The following HSD17B12 variants were observed in gnomAD, a reference collection of about 807,000 sequenced individuals.
The protein encoded by HSD17B12 is hydroxysteroid 17-beta dehydrogenase 12.
Under a neutral mutation model 39.3 loss-of-function variants are expected in HSD17B12, and 32 were observed. That is an observed-to-expected ratio of 0.81 (90% CI 0.61 to 1.09). The LOEUF (loss-of-function observed/expected upper bound fraction) is 1.09. HSD17B12 is among the 50% of genes least tolerant of loss of function. The probability of loss-of-function intolerance (pLI) is 0.00; values close to 1 mark genes in which losing one functional copy is unlikely to be tolerated. For missense variants in HSD17B12, 342 were observed against 382.9 expected, an observed-to-expected ratio of 0.89 and a Z score of 0.89; for synonymous variants, 150 against 146.7, an observed-to-expected ratio of 1.02 and a Z score of -0.16.
intron 9 of HSD17B12, chr11:43,852,278 G>A (rs1951539295): frequency 6.6e-6 from 1 of 152,110 alleles, no homozygotes; most frequent in Non-Finnish European, 1.5e-5. Flanking sequence ...TCTCCTACAA[G>A]ATCAAAGTAG....
the HSD17B12 span, among the ~76,000 whole-genome samples, chr11:43,590,197 C>T: frequency 6.6e-6 from 1 of 152,090 alleles, no homozygotes; most frequent in East Asian, 1.9e-4. Context: ...GTGTCCCAAT[C>T]TTACCAAGAT....
rs1416195113 is a variant in HSD17B12, at chr11:43,725,303, T to C, written c.161-25608T>C. 2.6e-5 allele frequency among the ~76,000 whole-genome samples: 4 copies of C among 152,298 alleles called. No homozygotes were observed. The South Asian group carries it at 8.3e-4, about 32-fold the overall frequency. On this transcript the variant is annotated intron_variant, in intron 1 of 10. Transcript: ENST00000278353. ...GTACTTCAGAAATTATTGCAAAGGT[T>C]AAAAAAGATGATGCTTGTTTAGCAA...
chr11:43,594,934 G>A, the HSD17B12 span, among the ~76,000 whole-genome samples: 1 of 151,960 alleles, frequency 6.6e-6, no homozygotes, highest in African/African-American at 2.4e-5. Context: ...TATAATCCCT[G>A]TGTAGTCAGA....
chr11:43,653,678 GC>G, the HSD17B12 span, among the ~76,000 whole-genome samples: 2 of 152,042 alleles, frequency 1.3e-5, no homozygotes, highest in Non-Finnish European at 2.9e-5. Flanking sequence ...GCAATAGTTT[GC>G]TGAGAATGAT....
the HSD17B12 span, among the ~76,000 whole-genome samples, chr11:43,618,285 T>C: frequency 1.3e-5 from 2 of 152,234 alleles, no homozygotes; most frequent in African/African-American, 4.8e-5. Context: ...TCATGAAAGA[T>C]ACGTGTCTTC....
intron 1 of HSD17B12, among the ~76,000 whole-genome samples, chr11:43,741,560 A>G (rs1261776555): frequency 1.3e-5 from 2 of 152,126 alleles, no homozygotes; most frequent in East Asian, 3.9e-4. Context: ...AGAAGCAACT[A>G]TCAATAGACT....
chr11:43,765,633 A>G (rs945504699), intron 3 of HSD17B12, among the ~76,000 whole-genome samples: 27 of 152,002 alleles, frequency 1.8e-4, no homozygotes, highest in African/African-American at 6.5e-4. Context: ...GTCTTAACCC[A>G]CTGATGCTGT....
chr11:43,726,949 T>C (rs1269703752), intron 1 of HSD17B12, among the ~76,000 whole-genome samples: 1 of 152,210 alleles, frequency 6.6e-6, no homozygotes. Context: ...TTTTTAAGGC[T>C]TCCATTAATT....
the HSD17B12 span, among the ~76,000 whole-genome samples, chr11:43,653,443 C>G: frequency 6.6e-6 from 1 of 151,994 alleles, no homozygotes; most frequent in Non-Finnish European, 1.5e-5. Context: ...GGTACATGTG[C>G]ACAACTTGCA....
chr11:43,719,142 T>C, intron 1 of HSD17B12: 1 of 758,590 alleles, frequency 1.3e-6, no homozygotes, highest in Non-Finnish European at 2.4e-6. Context: ...ATTGGGATCA[T>C]CTAAACTTAG....
chr11:43,616,425 C>CAAAAAA, the HSD17B12 span, among the ~76,000 whole-genome samples: 1 of 62,432 alleles, frequency 1.6e-5, no homozygotes, highest in African/African-American at 5.2e-5. Context: ...AAACAAAAAA[C>CAAAAAA]AAAAAAAAAA....
At chr11:43,643,269 T>C in the HSD17B12 span, among the ~76,000 whole-genome samples, 10 of 152,148 alleles carry the variant, frequency 6.6e-5, no homozygotes, top group Admixed American at 5.9e-4. Flanking sequence ...TGAACTTACA[T>C]TGATGATACA....
At chr11:43,634,479 A>C in the HSD17B12 span, among the ~76,000 whole-genome samples, 1 of 152,338 alleles carries the variant, frequency 6.6e-6, no homozygotes, top group East Asian at 1.9e-4. Context: ...ATTTGACTCT[A>C]TAGAAAATTA....
intron 4 of HSD17B12, among the ~76,000 whole-genome samples, chr11:43,798,959 A>G (rs1457145253): frequency 6.6e-6 from 1 of 152,072 alleles, no homozygotes; most frequent in African/African-American, 2.4e-5. Context: ...TCTCCCCAGT[A>G]TTTTTGACCC....
chr11:43,668,885 GTC>G, the HSD17B12 span, among the ~76,000 whole-genome samples: 1 of 151,864 alleles, frequency 6.6e-6, no homozygotes, highest in East Asian at 1.9e-4. Flanking sequence ...TAGAGATGGA[GTC>G]TAGCTATGTT....
the HSD17B12 span, among the ~76,000 whole-genome samples, chr11:43,613,089 T>C: frequency 3.9e-5 from 6 of 152,170 alleles, no homozygotes; most frequent in African/African-American, 1.4e-4. Context: ...GAGAAAGCCA[T>C]TGGAGGGTTT....
intron 3 of HSD17B12, among the ~76,000 whole-genome samples, chr11:43,785,008 T>C (rs1483450402): frequency 1.3e-5 from 2 of 152,208 alleles, no homozygotes; most frequent in South Asian, 2.1e-4. Context: ...CTTAAGGCTA[T>C]TGGTCTCTCA....
chr11:43,701,841 G>T (rs558849887), intron 1 of HSD17B12, among the ~76,000 whole-genome samples: 4 of 152,176 alleles, frequency 2.6e-5, no homozygotes, highest in African/African-American at 9.6e-5. Flanking sequence ...TAAATTTTAG[G>T]ATTGTTTTTT....
intron 1 of HSD17B12, among the ~76,000 whole-genome samples, chr11:43,694,470 G>C (rs1225766755): frequency 1.3e-5 from 2 of 152,086 alleles, no homozygotes; most frequent in East Asian, 3.9e-4. Context: ...GGAAGCTGAG[G>C]TGGGAGGATT....
Sources: gnomAD v4.1 joint callset for allele counts (sites outside exome capture counted in the v4.1 genomes callset) on GRCh38, gnomAD v4.1.1 for gene constraint, MANE v1.5 for transcripts, NCBI Gene and HGNC (gene_info 2026-07-23, HGNC 2026-07-21) for gene names.